The following WDR20 variants were observed in gnomAD, a reference collection of about 807,000 sequenced individuals.
WDR20 encodes WD repeat-containing protein 20.
A neutral mutation model predicts 38.7 loss-of-function variants in WDR20; 3 were observed. The observed-to-expected ratio is 0.08, with a 90% confidence interval of 0.04 to 0.20. WDR20 has a LOEUF of 0.20. WDR20 is among the 10% of genes least tolerant of loss of function. WDR20 has a pLI of 1.00. For missense variants in WDR20, 559 were observed against 727.7 expected (o/e 0.77, Z 2.67); for synonymous variants, 298 against 285.6 (o/e 1.04, Z -0.44).
At chr14:102,159,871 G>A (rs2058254109) in intron 1 of WDR20, among the ~76,000 whole-genome samples, 1 of 152,068 alleles carries the variant, frequency 6.6e-6, no homozygotes, top group South Asian at 2.1e-4. Context: ...TTGGGAGGCT[G>A]AGGTGGGAGG....
At chr14:102,216,700 C>A (rs939703527), downstream of WDR20, among the ~76,000 whole-genome samples, 4 of 152,136 alleles carry the variant, frequency 2.6e-5, no homozygotes, top group Non-Finnish European at 5.9e-5. Context: ...GAGGCCGAGG[C>A]GGGTGGATCA....
intron 1 of WDR20, among the ~76,000 whole-genome samples, chr14:102,144,204 T>C (rs559798443): frequency 1.3e-5 from 2 of 152,010 alleles, no homozygotes; most frequent in African/African-American, 4.8e-5. Context: ...GGAGTGGGGC[T>C]ATGCGCCATG....
rs1158308678 is a variant in WDR20 at position 102,220,734 on chromosome 14, A to G, written c.1693-2096A>G. Among the ~76,000 whole-genome samples, 1 of 152,026 alleles carries G rather than the reference A, an allele frequency of 6.6e-6. No individual in the cohort carries two copies. The highest frequency in any genetic ancestry group is 1.5e-5 in the Non-Finnish European group (1 of 67,990). On this transcript the variant is annotated intron_variant, in intron 3 of 3. Transcript: ENST00000335263. The surrounding 1 kb of genome is among the most constrained non-coding windows in gnomAD (Gnocchi z 4.2). ...GACTCCGTCTCAAAAAAAAAAAAAAAAAAGAAAATATTAAAATTAATGTCA... is the reference window on the plus strand; with the variant it reads ...GACTCCGTCTCAAAAAAAAAAAAAAGAAAGAAAATATTAAAATTAATGTCA...
rs779393048 is a variant in WDR20 at position 102,195,104 on chromosome 14, A to C, written c.416A>C (p.Lys139Thr). Residue 139 changes from lysine to threonine, a missense_variant, in exon 2 of 3, where the codon AAA becomes ACA. By Grantham distance (78) the Lys-to-Thr change is moderately conservative (BLOSUM62 -1). Coordinates refer to ENST00000342702, the MANE Select transcript of WDR20 (RefSeq NM_144574.4). Reference protein sequence around the residue: ...LIDPIKKETSKLFNEERLIDK... With the variant: ...LIDPIKKETSTLFNEERLIDK... ...GACCCAATCAAAAAAGAAACTAGCA[A>C]ACTTTTTAATGAGGAAGTAAGTAGC... The C allele has an allele frequency of 3.1e-6, 5 of 1,614,086 alleles. No individual in the cohort carries two copies. In the South Asian group the frequency reaches 4.4e-5, roughly 14 times the overall value.
chr14:102,172,504 C>A, intron 1 of WDR20, among the ~76,000 whole-genome samples: 1 of 150,836 alleles, frequency 6.6e-6, no homozygotes, highest in African/African-American at 2.4e-5. Flanking sequence ...GCGCCCCTCA[C>A]CTCCCGGACG....
rs2061880205 is a variant in WDR20 at position 102,208,053 on chromosome 14, T to C, written c.433-550T>C. Among the ~76,000 whole-genome samples the C allele has an allele frequency of 6.6e-6, 1 of 152,092 alleles. No homozygotes were observed. Among genetic ancestry groups the C allele is most frequent in the South Asian group, 2.1e-4 (1 of 4,828 alleles). Reference sequence around the variant, plus strand: ...TTGGAGTTGTGTGTGCTGCCAGCCATGGACTGTGGATTTCACTCCCCACCT... The same window carrying C: ...TTGGAGTTGTGTGTGCTGCCAGCCACGGACTGTGGATTTCACTCCCCACCT... On this transcript the variant is annotated intron_variant, in intron 2 of 2. Transcript: ENST00000342702. The surrounding 1 kb of genome is among the most constrained non-coding windows in gnomAD (Gnocchi z 5.6).
intron 1 of WDR20, among the ~76,000 whole-genome samples, chr14:102,155,058 G>A (rs915505512): frequency 1.3e-5 from 2 of 152,168 alleles, no homozygotes; most frequent in South Asian, 2.1e-4. Context: ...CATGTTTGGA[G>A]CCTTTTTAGA....
chr14:102,212,405 T>C, downstream of WDR20: 3 of 1,122,328 alleles, frequency 2.7e-6, no homozygotes, highest in South Asian at 1.4e-5. Flanking sequence ...GGGGAGGGGC[T>C]GCCTTTGACT....
intron 1 of WDR20, among the ~76,000 whole-genome samples, chr14:102,180,442 A>G (rs2063157456): frequency 6.6e-6 from 1 of 152,182 alleles, no homozygotes; most frequent in African/African-American, 2.4e-5. Flanking sequence ...TCTATATAAC[A>G]TATCACTTTA....
chr14:102,214,677 A>G, downstream of WDR20: 1 of 983,506 alleles, frequency 1.0e-6, no homozygotes, highest in Non-Finnish European at 1.2e-6. Context: ...TTGAGTGAAA[A>G]TCAAAAGTAA....
downstream of WDR20, among the ~76,000 whole-genome samples, chr14:102,210,924 G>C (rs2062434304): frequency 2.0e-5 from 3 of 152,168 alleles, no homozygotes; most frequent in Non-Finnish European, 4.4e-5. Context: ...TTGGATGGCA[G>C]CTGTGGTTCC....
At chr14:102,139,470 CCTCCGCTCTTT>C, upstream of WDR20, 1 of 1,455,410 alleles carries the variant, frequency 6.9e-7, no homozygotes, top group Admixed American at 2.4e-5. Flanking sequence ...TGGCGCTCTT[CCTCCGCTCTTT>C]GGGGTCCCGG....
chr14:102,192,318 T>C (rs1351040508), intron 1 of WDR20, among the ~76,000 whole-genome samples: 1 of 152,090 alleles, frequency 6.6e-6, no homozygotes, highest in African/African-American at 2.4e-5. Context: ...TAGCTGGGAC[T>C]ACAGGTGCCC....
At chr14:102,166,726 A>G (rs191179842) in intron 1 of WDR20, among the ~76,000 whole-genome samples, 3 of 152,220 alleles carry the variant, frequency 2.0e-5, no homozygotes, top group East Asian at 1.9e-4. Flanking sequence ...TTTGGTTACT[A>G]TTTGCATGGA....
At chr14:102,142,797 T>TTTG (rs2051914912) in intron 1 of WDR20, among the ~76,000 whole-genome samples, 5 of 149,654 alleles carry the variant, frequency 3.3e-5, no homozygotes, top group African/African-American at 1.2e-4. Context: ...TTTTTTTTTT[T>TTTG]GGTCCTTTGA....
chr14:102,187,619 GC>G (rs1386432617), intron 1 of WDR20, among the ~76,000 whole-genome samples: 1 of 152,202 alleles, frequency 6.6e-6, no homozygotes, highest in Non-Finnish European at 1.5e-5. Flanking sequence ...GCCCTGCAGA[GC>G]CGTGGCAGTG....
chr14:102,192,415 G>T (rs976638231), intron 1 of WDR20, among the ~76,000 whole-genome samples: 1 of 152,104 alleles, frequency 6.6e-6, no homozygotes, highest in African/African-American at 2.4e-5. Flanking sequence ...CTGACCTCAG[G>T]TGATCCACCC....
intron 1 of WDR20, chr14:102,157,180 T>G (rs2057624770): frequency 1.3e-5 from 2 of 152,004 alleles, no homozygotes; most frequent in Admixed American, 6.6e-5. Context: ...GAGGATCACT[T>G]GAACCCAGGA....
At chr14:102,211,528 A>G (rs1442625145), downstream of WDR20, among the ~76,000 whole-genome samples, 3 of 152,064 alleles carry the variant, frequency 2.0e-5, no homozygotes, top group Non-Finnish European at 4.4e-5. The surrounding 1 kb of genome is among the most constrained non-coding windows in gnomAD (Gnocchi z 4.2). Flanking sequence ...CCACCTGGGA[A>G]CCACAGCAGC....
Sources: allele counts gnomAD v4.1 joint callset (sites outside exome capture counted in the v4.1 genomes callset), GRCh38; gene constraint gnomAD v4.1.1; non-coding constraint Gnocchi (gnomAD v3.1); transcripts MANE v1.5; gene names NCBI Gene and HGNC (gene_info 2026-07-23, HGNC 2026-07-21).